The following ADAM12 variants were observed in gnomAD, a reference collection of about 807,000 sequenced individuals.
The protein encoded by ADAM12 is ADAM metallopeptidase domain 12, also known as disintegrin and metalloproteinase domain-containing protein 12.
ADAM12 carries 70 observed loss-of-function variants against 106.4 expected under a neutral mutation model. The ratio of observed to expected loss-of-function variants is 0.66; its 90% CI spans 0.54 to 0.80. The LOEUF (loss-of-function observed/expected upper bound fraction) is 0.80, where lower values mean the gene tolerates loss of function less well. Ranked by LOEUF, ADAM12 falls within the 30% of genes least tolerant of loss-of-function variation. The pLI is 0.00. For synonymous variants in ADAM12, 420 were observed against 433.5 expected (o/e 0.97, Z 0.39); for missense variants, 1,010 against 1,171.9 (o/e 0.86, Z 2.02).
intron 3 of ADAM12, among the ~76,000 whole-genome samples, chr10:126,274,547 A>G (rs1959203664): frequency 6.6e-6 from 1 of 152,308 alleles, no homozygotes; most frequent in African/African-American, 2.4e-5. Context: ...TGGCCCATTG[A>G]TCCGAACTGC....
chr10:126,196,854 A>C (rs1490963026), intron 3 of ADAM12, among the ~76,000 whole-genome samples: 1 of 152,218 alleles, frequency 6.6e-6, no homozygotes, highest in East Asian at 1.9e-4. Flanking sequence ...AATAAAAAAA[A>C]AGTGGGGAAT....
intron 9 of ADAM12, among the ~76,000 whole-genome samples, chr10:126,098,815 C>A (rs1325627021): frequency 6.6e-6 from 1 of 152,170 alleles, no homozygotes; most frequent in Non-Finnish European, 1.5e-5. Context: ...ACAATGTCTG[C>A]TGATGGAAAG....
At chr10:126,097,785 C>T (rs1453185718) in intron 10 of ADAM12, among the ~76,000 whole-genome samples, 2 of 152,150 alleles carry the variant, frequency 1.3e-5, no homozygotes. Flanking sequence ...AAGCTACCTC[C>T]CTCCTACATT....
At chr10:126,302,482 AGAAG>A (rs1168144742) in intron 2 of ADAM12, among the ~76,000 whole-genome samples, 1 of 152,198 alleles carries the variant, frequency 6.6e-6, no homozygotes, top group Admixed American at 6.5e-5. Context: ...AATGATGACG[AGAAG>A]AAAGAAAGAA....
chr10:126,032,766 C>A (rs1409225695), intron 21 of ADAM12, among the ~76,000 whole-genome samples: 1 of 152,072 alleles, frequency 6.6e-6, no homozygotes, highest in African/African-American at 2.4e-5. Flanking sequence ...GTCCACGGAC[C>A]AGAAAAGTTT....
intron 1 of ADAM12, among the ~76,000 whole-genome samples, chr10:126,350,945 A>G (rs907028365): frequency 2.6e-5 from 4 of 151,968 alleles, no homozygotes; most frequent in Admixed American, 6.5e-5. Context: ...TCCCCTGTCC[A>G]GGCTCTCCTG....
intron 5 of ADAM12, among the ~76,000 whole-genome samples, chr10:126,133,587 G>A (rs769042764): frequency 6.6e-6 from 1 of 152,142 alleles, no homozygotes; most frequent in South Asian, 2.1e-4. Flanking sequence ...GGCAGCTGGA[G>A]TGCCCCTGTA....
In ADAM12 at chr10:126,214,887, C is replaced by T. The variant is rs575416509; in HGVS notation, c.261-59582G>A. 3.9e-5 allele frequency among the ~76,000 whole-genome samples: 6 copies of T among 152,308 alleles called. No individual in the cohort carries two copies. In the East Asian group the frequency reaches 7.7e-4, roughly 20 times the overall value. ...CCGCTGGCTGGATTAGGATGCCACT[C>T]GGCTGCTCGCCTCCCAGGCCTCCAC... is the stretch of plus-strand genomic sequence containing the variant. On this transcript the variant is annotated intron_variant, in intron 3 of 22. Coordinates refer to ENST00000448723, the MANE Select transcript of ADAM12 (RefSeq NM_001288973.2).
intron 1 of ADAM12, among the ~76,000 whole-genome samples, chr10:126,386,912 GCAAT>G (rs1226390090): frequency 6.6e-6 from 1 of 152,186 alleles, no homozygotes; most frequent in Non-Finnish European, 1.5e-5. Context: ...ATTGCTTTGT[GCAAT>G]CTTTGTATTT....
intron 2 of ADAM12, among the ~76,000 whole-genome samples, chr10:126,326,504 T>C (rs1854309179): frequency 6.6e-6 from 1 of 152,134 alleles, no homozygotes; most frequent in East Asian, 1.9e-4. Context: ...AAACTTTCCC[T>C]TCAAAGTACG....
At chr10:126,308,158 G>C (rs1960931786) in intron 2 of ADAM12, among the ~76,000 whole-genome samples, 1 of 152,166 alleles carries the variant, frequency 6.6e-6, no homozygotes, top group Non-Finnish European at 1.5e-5. Flanking sequence ...ACCATCCTAG[G>C]CTTTTAATTT....
At chr10:126,041,584 A>G (rs1954171547) in intron 18 of ADAM12, 2 of 986,114 alleles carry the variant, frequency 2.0e-6, no homozygotes, top group Admixed American at 6.1e-5. Context: ...ATTGCCATTC[A>G]GTTTGCTTGG....
At chr10:126,340,948 C>A (rs1418783918) in intron 1 of ADAM12, among the ~76,000 whole-genome samples, 2 of 152,090 alleles carry the variant, frequency 1.3e-5, no homozygotes, top group African/African-American at 4.8e-5. Context: ...AACTCCTGAG[C>A]TCGTGATCCA....
chr10:126,084,519 C>T (rs1955298178), intron 11 of ADAM12, among the ~76,000 whole-genome samples: 1 of 152,228 alleles, frequency 6.6e-6, no homozygotes, highest in Admixed American at 6.5e-5. Context: ...CCCTTTCTTC[C>T]TAGCCCAGTA....
intron 3 of ADAM12, among the ~76,000 whole-genome samples, chr10:126,216,917 C>A (rs1222525534): frequency 2.6e-5 from 4 of 152,214 alleles, no homozygotes; most frequent in East Asian, 3.8e-4. Flanking sequence ...GTTCTTGAGG[C>A]CTTTTCCCTA....
intron 18 of ADAM12, chr10:126,042,118 T>C (rs567667966): frequency 6.2e-7 from 1 of 1,612,862 alleles, no homozygotes; most frequent in East Asian, 2.2e-5. Context: ...ACGGTCTCCA[T>C]GTCATGGGAG....
chr10:126,212,813 C>CT (rs1957925346), intron 3 of ADAM12, among the ~76,000 whole-genome samples: 1 of 152,162 alleles, frequency 6.6e-6, no homozygotes, highest in Admixed American at 6.5e-5. Context: ...TGATTAAATG[C>CT]TTAAGAATGT....
chr10:126,045,765 ACT>A (rs997268595), intron 17 of ADAM12, among the ~76,000 whole-genome samples: 4 of 152,332 alleles, frequency 2.6e-5, no homozygotes, highest in Middle Eastern at 3.4e-3. Flanking sequence ...TTATTTTGAA[ACT>A]CTTCATGAAG....
chr10:126,375,484 T>C (rs1856255067), intron 1 of ADAM12, among the ~76,000 whole-genome samples: 1 of 151,962 alleles, frequency 6.6e-6, no homozygotes, highest in African/African-American at 2.4e-5. Context: ...TTGTAATTGT[T>C]TGGGAGGAGG....
Sources: allele counts gnomAD v4.1 joint callset (sites outside exome capture counted in the v4.1 genomes callset), GRCh38; gene constraint gnomAD v4.1.1; transcripts MANE v1.5; gene names NCBI Gene and HGNC (gene_info 2026-07-23, HGNC 2026-07-21).